ALK: variants seen among roughly 807,000 people sequenced by gnomAD.
ALK encodes ALK tyrosine kinase receptor.
A neutral mutation model predicts 163.1 loss-of-function variants in ALK; 74 were observed. The ratio of observed to expected loss-of-function variants is 0.45; its 90% confidence interval spans 0.38 to 0.55. The LOEUF (loss-of-function observed/expected upper bound fraction) is 0.55, where lower values mean the gene tolerates loss of function less well. ALK is among the 20% of genes least tolerant of loss of function. The probability of loss-of-function intolerance (pLI) is 0.00; values close to 1 mark genes in which losing one functional copy is unlikely to be tolerated. For missense variants in ALK, 2,063 were observed against 2,105.3 expected (o/e 0.98, Z 0.39); for synonymous variants, 960 against 843.2 (o/e 1.14, Z -2.40).
intron 3 of ALK, among the ~76,000 whole-genome samples, chr2:29,614,145 T>C (rs756341398): frequency 7.9e-5 from 12 of 152,264 alleles, no homozygotes; most frequent in Non-Finnish European, 1.6e-4. Context: ...ACCATGGCCC[T>C]GCTTCTCTCG....
chr2:29,840,747 C>T (rs547588418), intron 1 of ALK, among the ~76,000 whole-genome samples: 12 of 152,316 alleles, frequency 7.9e-5, no homozygotes, highest in Admixed American at 6.5e-4. Flanking sequence ...CTATTAATAA[C>T]TGAACATTTA....
intron 4 of ALK, among the ~76,000 whole-genome samples, chr2:29,418,846 T>A (rs1306896264): frequency 6.6e-6 from 1 of 151,844 alleles, no homozygotes; most frequent in African/African-American, 2.4e-5. Flanking sequence ...AAAATGTACA[T>A]CCAGAATTAA....
At chr2:29,693,438 G>GAC (rs771381980) in intron 3 of ALK, among the ~76,000 whole-genome samples, 4,236 of 61,404 alleles carry the variant, frequency 0.069, 71 homozygotes, top group Middle Eastern at 0.23. Context: ...CACACACACA[G>GAC]ACACACACAC....
chr2:29,549,877 G>A (rs1298797536), intron 3 of ALK, among the ~76,000 whole-genome samples: 1 of 152,146 alleles, frequency 6.6e-6, no homozygotes, highest in Non-Finnish European at 1.5e-5. Flanking sequence ...TACTTCTTAT[G>A]ATGTGGTTTC....
Position 29,320,899 on chromosome 2 carries a change from G to C in ALK, c.1415-17C>G, listed in dbSNP as rs773943842. 1.4e-5 allele frequency: 22 copies of C among 1,614,008 alleles called. No individual in the cohort carries two copies. Among genetic ancestry groups the C allele is most frequent in the African/African-American group, 1.3e-5 (1 of 74,926 alleles). ...GCAGTTTCCCTATGGAGAGAGCAGAGAGGCACCATCATTTTCAGGACCACT... is the reference window on the plus strand; with the variant it reads ...GCAGTTTCCCTATGGAGAGAGCAGACAGGCACCATCATTTTCAGGACCACT... On this transcript the variant is annotated splice_polypyrimidine_tract_variant and intron_variant, in intron 6 of 28. Coordinates refer to ENST00000389048, the MANE Select transcript of ALK (RefSeq NM_004304.5).
At chr2:29,867,172 C>T (rs912106954) in intron 1 of ALK, among the ~76,000 whole-genome samples, 1 of 152,150 alleles carries the variant, frequency 6.6e-6, no homozygotes, top group Non-Finnish European at 1.5e-5. Context: ...TTCTAGAAAA[C>T]AGTCCCCATT....
At chr2:29,475,130 C>T (rs1385018781) in intron 4 of ALK, among the ~76,000 whole-genome samples, 3 of 152,154 alleles carry the variant, frequency 2.0e-5, no homozygotes, top group African/African-American at 7.2e-5. Context: ...AAGCATCAGA[C>T]AACTCGAGAG....
chr2:29,588,160 G>A (rs1185258611), intron 3 of ALK, among the ~76,000 whole-genome samples: 7 of 152,070 alleles, frequency 4.6e-5, no homozygotes, highest in Admixed American at 1.3e-4. Context: ...TCTCAAGAAC[G>A]TCTCCACTGA....
At chr2:29,581,115 C>T (rs1422517470) in intron 3 of ALK, among the ~76,000 whole-genome samples, 1 of 152,184 alleles carries the variant, frequency 6.6e-6, no homozygotes, top group Non-Finnish European at 1.5e-5. Flanking sequence ...AGTGGCCAGG[C>T]ATGGTGGCTC....
intron 4 of ALK, among the ~76,000 whole-genome samples, chr2:29,438,716 GTC>G (rs1670464050): frequency 1.3e-5 from 2 of 152,188 alleles, no homozygotes; most frequent in Admixed American, 1.3e-4. Flanking sequence ...TTCCACTAGT[GTC>G]TGCCATCCAT....
chr2:29,737,194 G>C (rs1247746665), intron 1 of ALK, among the ~76,000 whole-genome samples: 1 of 152,042 alleles, frequency 6.6e-6, no homozygotes, highest in African/African-American at 2.4e-5. Context: ...AAAATATATA[G>C]GTGCTAGCTA....
chr2:29,484,928 C>T (rs1340129454), intron 4 of ALK, among the ~76,000 whole-genome samples: 2 of 152,148 alleles, frequency 1.3e-5, no homozygotes, highest in East Asian at 3.9e-4. Context: ...TATAGGTAAT[C>T]CCTTTAAAAA....
intron 3 of ALK, among the ~76,000 whole-genome samples, chr2:29,577,615 A>C (rs1279331697): frequency 6.6e-6 from 1 of 151,134 alleles, no homozygotes; most frequent in East Asian, 2.0e-4. Context: ...CTACAGTTCT[A>C]GGCATCACTG....
At chr2:29,383,314 C>G (rs1431768870) in intron 5 of ALK, among the ~76,000 whole-genome samples, 1 of 151,900 alleles carries the variant, frequency 6.6e-6, no homozygotes, top group Non-Finnish European at 1.5e-5. Flanking sequence ...CCCTAAAACA[C>G]TCTAGACTTT....
chr2:29,680,361 T>C (rs1276225898), intron 3 of ALK, among the ~76,000 whole-genome samples: 1 of 152,096 alleles, frequency 6.6e-6, no homozygotes, highest in African/African-American at 2.4e-5. Flanking sequence ...GATCTGAACA[T>C]TTTTCTTAAA....
At chr2:29,880,643 C>T (rs776078881) in intron 1 of ALK, among the ~76,000 whole-genome samples, 3 of 152,142 alleles carry the variant, frequency 2.0e-5, no homozygotes, top group Non-Finnish European at 1.5e-5. Context: ...ACACACGCCT[C>T]GGAGGAAAGG....
chr2:29,827,701 T>C (rs1163544319), intron 1 of ALK, among the ~76,000 whole-genome samples: 1 of 152,192 alleles, frequency 6.6e-6, no homozygotes, highest in East Asian at 1.9e-4. Context: ...TCCACGCTCA[T>C]GGGTAGGAAG....
chr2:29,528,585 T>C (rs1673024408), intron 4 of ALK, among the ~76,000 whole-genome samples: 1 of 152,150 alleles, frequency 6.6e-6, no homozygotes, highest in Admixed American at 6.5e-5. Context: ...TGTGACCTTG[T>C]TGTCTTTGGC....
intron 4 of ALK, among the ~76,000 whole-genome samples, chr2:29,448,327 G>C (rs889304125): frequency 1.1e-4 from 16 of 152,146 alleles, no homozygotes; most frequent in Admixed American, 7.9e-4. Flanking sequence ...GGCTGGCTTC[G>C]TTTGGCCAGT....
Sources: gnomAD v4.1 joint callset for allele counts (sites outside exome capture counted in the v4.1 genomes callset) on GRCh38, gnomAD v4.1.1 for gene constraint, MANE v1.5 for transcripts, NCBI Gene and HGNC (gene_info 2026-07-23, HGNC 2026-07-21) for gene names.